The following KCNH8 variants were observed in gnomAD, a reference collection of about 807,000 sequenced individuals.
KCNH8 encodes the protein potassium voltage-gated channel subfamily H member 8, also known as voltage-gated delayed rectifier potassium channel KCNH8.
Under a neutral mutation model 103.6 loss-of-function variants are expected in KCNH8, and 70 were observed. That is an observed-to-expected ratio of 0.68 (90% confidence interval 0.56 to 0.82). The LOEUF (loss-of-function observed/expected upper bound fraction) is 0.82. Ranked by LOEUF, KCNH8 falls within the 40% of genes least tolerant of loss-of-function variation. KCNH8 has a pLI of 0.00. For missense variants in KCNH8, 1,217 were observed against 1,329.9 expected (o/e 0.92, Z 1.32); for synonymous variants, 498 against 489.4 (o/e 1.02, Z -0.23).
intron 7 of KCNH8, among the ~76,000 whole-genome samples, chr3:19,422,632 G>A (rs981710065): frequency 2.6e-5 from 4 of 152,084 alleles, no homozygotes; most frequent in Non-Finnish European, 5.9e-5. Context: ...CAAAGCATGG[G>A]TAGCTATTCT....
intron 3 of KCNH8, among the ~76,000 whole-genome samples, chr3:19,322,477 C>T (rs1387117550): frequency 1.3e-5 from 2 of 152,230 alleles, no homozygotes; most frequent in South Asian, 4.1e-4. Context: ...ATACAAAATT[C>T]TTAGCTGATA....
intron 15 of KCNH8, among the ~76,000 whole-genome samples, chr3:19,529,963 T>G (rs1161585460): frequency 6.6e-6 from 1 of 152,176 alleles, no homozygotes; most frequent in Non-Finnish European, 1.5e-5. Context: ...AAAATGTCAG[T>G]GCTTGTTTAT....
chr3:19,388,204 G>T (rs2066386057), intron 5 of KCNH8, among the ~76,000 whole-genome samples: 1 of 152,068 alleles, frequency 6.6e-6, no homozygotes. Flanking sequence ...AGCCTATATT[G>T]CGGAAACCAA....
At chr3:19,504,905 G>A (rs2068660812) in intron 11 of KCNH8, among the ~76,000 whole-genome samples, 1 of 151,424 alleles carries the variant, frequency 6.6e-6, no homozygotes, top group Non-Finnish European at 1.5e-5. Context: ...ATTCACAATA[G>A]CAAAGACATG....
intron 1 of KCNH8, among the ~76,000 whole-genome samples, chr3:19,246,188 G>A (rs1188623596): frequency 2.0e-5 from 3 of 150,582 alleles, no homozygotes; most frequent in African/African-American, 7.3e-5. Context: ...CCTTCAATAA[G>A]ATTGCTGTTT....
At chr3:19,214,945 T>C (rs998816360) in intron 1 of KCNH8, among the ~76,000 whole-genome samples, 1 of 152,234 alleles carries the variant, frequency 6.6e-6, no homozygotes, top group Non-Finnish European at 1.5e-5. Context: ...GACTAAAATA[T>C]GTGATTATTG....
At chr3:19,527,767 A>G (rs1184230166) in intron 15 of KCNH8, among the ~76,000 whole-genome samples, 1 of 152,086 alleles carries the variant, frequency 6.6e-6, no homozygotes, top group African/African-American at 2.4e-5. Context: ...GTTTTTATTC[A>G]TGACAGGGGA....
intron 1 of KCNH8, among the ~76,000 whole-genome samples, chr3:19,224,066 C>T (rs1169476059): frequency 2.6e-5 from 4 of 152,084 alleles, no homozygotes; most frequent in Non-Finnish European, 5.9e-5. Flanking sequence ...AATGTGTGTG[C>T]ATCTTAAAAG....
intron 3 of KCNH8, among the ~76,000 whole-genome samples, chr3:19,287,478 T>A (rs1253060141): frequency 2.0e-5 from 3 of 152,186 alleles, no homozygotes; most frequent in African/African-American, 7.2e-5. Context: ...GAGACACAAT[T>A]GTAGCACTTT....
intron 5 of KCNH8, among the ~76,000 whole-genome samples, chr3:19,358,651 A>G (rs1421596177): frequency 6.6e-6 from 1 of 151,996 alleles, no homozygotes; most frequent in African/African-American, 2.4e-5. Flanking sequence ...TTAATTAACT[A>G]TTGACTGAAA....
intron 1 of KCNH8, among the ~76,000 whole-genome samples, chr3:19,235,339 A>C (rs188564527): frequency 6.6e-6 from 1 of 152,204 alleles, no homozygotes; most frequent in East Asian, 1.9e-4. Flanking sequence ...AAGATTTTTA[A>C]ATGCTGTTTA....
intron 5 of KCNH8, among the ~76,000 whole-genome samples, chr3:19,372,925 G>A (rs555265150): frequency 0.011 from 1,728 of 151,940 alleles, 26 homozygotes; most frequent in African/African-American, 0.039. Flanking sequence ...ATTGATTTGC[G>A]TATATTGAAC....
chr3:19,165,775 T>C (rs2125189478), intron 1 of KCNH8, among the ~76,000 whole-genome samples: 1 of 152,286 alleles, frequency 6.6e-6, no homozygotes, highest in East Asian at 1.9e-4. Flanking sequence ...CTAATCCAAG[T>C]TGGGCTTAGC....
At chr3:19,289,796 T>C (rs191985883) in intron 3 of KCNH8, among the ~76,000 whole-genome samples, 1 of 152,208 alleles carries the variant, frequency 6.6e-6, no homozygotes, top group Non-Finnish European at 1.5e-5. Flanking sequence ...GTCATTGGTA[T>C]CTTGATGTGG....
At chr3:19,422,792 T>G (rs528987274) in intron 7 of KCNH8, among the ~76,000 whole-genome samples, 4 of 152,244 alleles carry the variant, frequency 2.6e-5, no homozygotes, top group African/African-American at 7.2e-5. Context: ...GGCCTAGTAT[T>G]ACCTATAGGC....
intron 3 of KCNH8, among the ~76,000 whole-genome samples, chr3:19,316,051 T>A (rs1032937263): frequency 6.6e-6 from 1 of 152,024 alleles, no homozygotes; most frequent in East Asian, 1.9e-4. Flanking sequence ...AGAAATTAAG[T>A]CATGTATTAA....
intron 3 of KCNH8, among the ~76,000 whole-genome samples, chr3:19,305,039 C>A (rs1685955472): frequency 6.6e-6 from 1 of 151,790 alleles, no homozygotes; most frequent in South Asian, 2.1e-4. Context: ...ACATGAGTTT[C>A]CAGACTTAAG....
At chr3:19,453,336 T>A (rs1229683676) in intron 10 of KCNH8, among the ~76,000 whole-genome samples, 12 of 152,158 alleles carry the variant, frequency 7.9e-5, no homozygotes, top group Non-Finnish European at 1.5e-5. Flanking sequence ...TGCACTTGTA[T>A]CCTTTAAATT....
At chr3:19,206,444 A>G (rs1490410594) in intron 1 of KCNH8, among the ~76,000 whole-genome samples, 2 of 151,794 alleles carry the variant, frequency 1.3e-5, no homozygotes, top group South Asian at 2.1e-4. Flanking sequence ...GAAGGCTGGG[A>G]TCTGTCATGC....
Sources: allele counts gnomAD v4.1 joint callset (sites outside exome capture counted in the v4.1 genomes callset), GRCh38; gene constraint gnomAD v4.1.1; transcripts MANE v1.5; gene names NCBI Gene and HGNC (gene_info 2026-07-23, HGNC 2026-07-21).